The following GMDS variants were observed in gnomAD, a reference collection of about 807,000 sequenced individuals.
The protein encoded by GMDS is GDP-mannose 4,6 dehydratase.
Under a neutral mutation model 49.9 loss-of-function variants are expected in GMDS, and 20 were observed. That is an observed-to-expected ratio of 0.40 (90% CI 0.28 to 0.58). GMDS has a LOEUF of 0.58. Ranked by LOEUF, GMDS falls within the 20% of genes least tolerant of loss-of-function variation. The pLI, the probability that GMDS is intolerant of heterozygous loss-of-function variation, is 0.42. For synonymous variants in GMDS, 177 were observed against 178.6 expected, an observed-to-expected ratio of 0.99 and a Z score of 0.07; for missense variants, 362 against 481.4, an observed-to-expected ratio of 0.75 and a Z score of 2.32.
chr6:1,922,337 C>T (rs1169124124), intron 7 of GMDS, among the ~76,000 whole-genome samples: 1 of 152,174 alleles, frequency 6.6e-6, no homozygotes, highest in African/African-American at 2.4e-5. Context: ...GATTCAGGCA[C>T]CACTAACACT....
intron 7 of GMDS, among the ~76,000 whole-genome samples, chr6:1,905,426 G>C (rs956789275): frequency 6.8e-6 from 1 of 147,256 alleles, no homozygotes; most frequent in African/African-American, 2.6e-5. Flanking sequence ...CTGTGCATCT[G>C]CATGTGGGGC....
intron 1 of GMDS, among the ~76,000 whole-genome samples, chr6:2,210,459 T>C (rs1413606398): frequency 6.6e-6 from 1 of 152,210 alleles, no homozygotes; most frequent in Non-Finnish European, 1.5e-5. Context: ...TACCCATCCT[T>C]TCCTGGTGTA....
chr6:2,062,329 C>T lies in GMDS; in HGVS notation c.345+53442G>A, dbSNP rs190835590. Among the ~76,000 whole-genome samples the T allele has an allele frequency of 4.8e-4, 73 of 152,236 alleles. 2 individuals are homozygous for T. In the East Asian group the frequency reaches 6.8e-3, roughly 14 times the overall value. On this transcript the variant is annotated intron_variant, in intron 4 of 10. Coordinates refer to ENST00000380815, the MANE Select transcript of GMDS (RefSeq NM_001500.4). ...CTATCTACTGCAAAATCTCACAGAACGCTACAAGTAGGTCCAACTCAAAAA... is the reference window on the plus strand; with the variant it reads ...CTATCTACTGCAAAATCTCACAGAATGCTACAAGTAGGTCCAACTCAAAAA...
intron 4 of GMDS, among the ~76,000 whole-genome samples, chr6:2,096,026 T>C (rs1773585578): frequency 6.6e-6 from 1 of 152,144 alleles, no homozygotes; most frequent in Non-Finnish European, 1.5e-5. Flanking sequence ...AAAAAGTTAA[T>C]AGGAATTCCT....
chr6:1,995,810 G>C (rs1163091180), intron 4 of GMDS, among the ~76,000 whole-genome samples: 1 of 152,202 alleles, frequency 6.6e-6, no homozygotes, highest in Admixed American at 6.5e-5. Context: ...AGCTGAACCT[G>C]GTTCTGGGAA....
chr6:2,159,890 C>G (rs892387308), intron 1 of GMDS, among the ~76,000 whole-genome samples: 1 of 152,060 alleles, frequency 6.6e-6, no homozygotes, highest in African/African-American at 2.4e-5. Flanking sequence ...TCCAAAACAT[C>G]TTCCAATATA....
intron 9 of GMDS, among the ~76,000 whole-genome samples, chr6:1,656,450 A>G (rs1008489824): frequency 5.3e-5 from 8 of 152,294 alleles, no homozygotes; most frequent in South Asian, 4.1e-4. Context: ...ATTGTTGGAA[A>G]ACACAAAAAA....
chr6:1,922,060 A>G (rs769759323), intron 7 of GMDS, among the ~76,000 whole-genome samples: 2 of 152,240 alleles, frequency 1.3e-5, no homozygotes, highest in African/African-American at 2.4e-5. Context: ...TCCCACAGTG[A>G]GTAGAAATTC....
chr6:1,892,688 T>A (rs1044440892), intron 7 of GMDS, among the ~76,000 whole-genome samples: 8 of 152,124 alleles, frequency 5.3e-5, no homozygotes, highest in African/African-American at 1.9e-4. Flanking sequence ...CTATATGAAT[T>A]ACTTAAAAAT....
At chr6:2,043,909 T>C (rs757377523) in intron 4 of GMDS, among the ~76,000 whole-genome samples, 1 of 151,198 alleles carries the variant, frequency 6.6e-6, no homozygotes, top group Admixed American at 6.6e-5. Context: ...GCAAAGGACA[T>C]GAACAGACAC....
rs921409594 is a variant in GMDS, at chr6:2,245,557, G to T, written c.-135C>A. The T allele has an allele frequency of 4.5e-6, 2 of 449,374 alleles. No homozygotes were observed. The highest frequency in any genetic ancestry group is 5.4e-5 in the South Asian group (1 of 18,612). The allele number at this position is 449,374 out of a possible 1,614,324, so 27.8% of individuals were successfully genotyped here. On this transcript the variant is annotated 5_prime_UTR_variant, in exon 1 of 11. Transcript: ENST00000380815. ...GGCAGGGAGGGAGAGCGCACCGCGC[G>T]ACCGGCCGCCACAGTCTGACAGGGG...
intron 4 of GMDS, among the ~76,000 whole-genome samples, chr6:2,035,794 C>T (rs1490098492): frequency 6.6e-6 from 1 of 152,078 alleles, no homozygotes; most frequent in African/African-American, 2.4e-5. Flanking sequence ...TCAAGTGATT[C>T]TCCCACCTCA....
At chr6:1,653,090 G>A (rs931135220) in intron 9 of GMDS, among the ~76,000 whole-genome samples, 3 of 151,940 alleles carry the variant, frequency 2.0e-5, no homozygotes, top group Non-Finnish European at 4.4e-5. Flanking sequence ...GAGCACAGAT[G>A]CATGCCTCCC....
At chr6:2,229,875 A>T (rs1476817857) in intron 1 of GMDS, among the ~76,000 whole-genome samples, 3 of 152,226 alleles carry the variant, frequency 2.0e-5, no homozygotes, top group African/African-American at 4.8e-5. Context: ...GTCATCCAGC[A>T]TGAGACTCTA....
intron 7 of GMDS, among the ~76,000 whole-genome samples, chr6:1,777,454 T>C (rs1239720775): frequency 6.6e-6 from 1 of 152,280 alleles, no homozygotes; most frequent in Non-Finnish European, 1.5e-5. Context: ...CCAGATTTAC[T>C]GCTGAAGGCT....
rs138893551 is a variant in GMDS at position 2,047,070 on chromosome 6, C to T, written c.345+68701G>A. 5.3e-5 allele frequency among the ~76,000 whole-genome samples: 8 copies of T among 152,102 alleles called. No homozygotes were observed. In the South Asian group the frequency reaches 1.7e-3, roughly 32 times the overall value. On this transcript the variant is annotated intron_variant, in intron 4 of 10. Transcript: ENST00000380815. ...CTAGAAATTCTGACTATATTGAGTA[C>T]AAATTTTACTTTTTAGTTTTGTTTG...
At chr6:2,074,732 G>A (rs1772223120) in intron 4 of GMDS, among the ~76,000 whole-genome samples, 1 of 152,076 alleles carries the variant, frequency 6.6e-6, no homozygotes, top group Non-Finnish European at 1.5e-5. Flanking sequence ...TTGAACTCCT[G>A]GCCTCAAGAA....
At chr6:2,125,896 A>T (rs976977088) in intron 1 of GMDS, among the ~76,000 whole-genome samples, 2 of 152,250 alleles carry the variant, frequency 1.3e-5, no homozygotes, top group African/African-American at 4.8e-5. Context: ...GAACTTTTAA[A>T]AAAAGAAGAT....
chr6:1,986,191 A>G lies in GMDS; in HGVS notation c.346-25225T>C, dbSNP rs149318155. Among the ~76,000 whole-genome samples the G allele has an allele frequency of 4.9e-3, 747 of 152,328 alleles. 5 individuals carry two copies. The highest frequency in any genetic ancestry group is 0.017 in the African/African-American group (723 of 41,576). On this transcript the variant is annotated intron_variant, in intron 4 of 10. Coordinates refer to ENST00000380815, the MANE Select transcript of GMDS (RefSeq NM_001500.4). ...GTAAACGTGTTCTTAAAAACAAATG[A>G]GAAAAGGAGCTTCCCAGGGGAGTTT...
Sources: gnomAD v4.1 joint callset for allele counts (sites outside exome capture counted in the v4.1 genomes callset) on GRCh38, gnomAD v4.1.1 for gene constraint, MANE v1.5 for transcripts, NCBI Gene and HGNC (gene_info 2026-07-23, HGNC 2026-07-21) for gene names.